The following CTNNA2 variants were observed in gnomAD, a reference collection of about 807,000 sequenced individuals.
CTNNA2 encodes the protein catenin alpha 2.
CTNNA2 carries 42 observed loss-of-function variants against 101.0 expected under a neutral mutation model. The observed-to-expected ratio is 0.42, with a 90% confidence interval of 0.32 to 0.54. The LOEUF is 0.54. Ranked by LOEUF, CTNNA2 falls within the 20% of genes least tolerant of loss-of-function variation. CTNNA2 has a pLI of 0.14. For synonymous variants in CTNNA2, 450 were observed against 456.4 expected, an observed-to-expected ratio of 0.99 and a Z score of 0.18; for missense variants, 871 against 1,223.1, an observed-to-expected ratio of 0.71 and a Z score of 4.29.
intron 4 of CTNNA2, among the ~76,000 whole-genome samples, chr2:79,395,510 T>A (rs1020273458): frequency 3.3e-4 from 50 of 152,184 alleles, no homozygotes; most frequent in African/African-American, 1.1e-3. Context: ...CCAGAAATAA[T>A]GTGCAGAAGA....
intron 7 of CTNNA2, among the ~76,000 whole-genome samples, chr2:80,343,011 CG>C: frequency 6.6e-6 from 1 of 152,236 alleles, no homozygotes; most frequent in African/African-American, 2.4e-5. Context: ...TGTGAAAGAA[CG>C]GAGTGATCTT....
At chr2:79,923,190 T>A (rs1686791336) in intron 7 of CTNNA2, among the ~76,000 whole-genome samples, 1 of 152,124 alleles carries the variant, frequency 6.6e-6, no homozygotes, top group African/African-American at 2.4e-5. Context: ...CGTATATTTT[T>A]CAAGAATACA....
At chr2:79,721,556 A>G (rs576699250) in intron 2 of CTNNA2, among the ~76,000 whole-genome samples, 3 of 152,366 alleles carry the variant, frequency 2.0e-5, no homozygotes, top group Admixed American at 6.5e-5. Context: ...TACGCTTCAT[A>G]TCATTGCCAG....
chr2:80,201,313 T>G (rs1421054921), intron 7 of CTNNA2, among the ~76,000 whole-genome samples: 1 of 151,818 alleles, frequency 6.6e-6, no homozygotes, highest in Admixed American at 6.6e-5. Context: ...ATCAGTCTTT[T>G]ATTTAAGAAT....
chr2:80,264,545 A>C (rs952244596), intron 7 of CTNNA2, among the ~76,000 whole-genome samples: 1 of 152,192 alleles, frequency 6.6e-6, no homozygotes, highest in Non-Finnish European at 1.5e-5. Context: ...CTGGGATTTC[A>C]GTGGCTTCAA....
chr2:79,213,646 A>T (rs1674206230), intron 2 of CTNNA2, among the ~76,000 whole-genome samples: 1 of 152,144 alleles, frequency 6.6e-6, no homozygotes, highest in South Asian at 2.1e-4. Flanking sequence ...ACATGGGGAA[A>T]TTGGGTGAAT....
intron 9 of CTNNA2, 141 bp from the exon 10 acceptor site, chr2:80,544,841 C>G (rs1573210709): frequency 1.5e-6 from 1 of 656,920 alleles, no homozygotes; most frequent in Admixed American, 3.1e-5. Flanking sequence ...GTTGGTTCTA[C>G]ATGAAGGCCA....
chr2:79,995,746 G>A (rs529554534), intron 7 of CTNNA2, among the ~76,000 whole-genome samples: 1 of 152,336 alleles, frequency 6.6e-6, no homozygotes, highest in Admixed American at 6.5e-5. Flanking sequence ...CCAGGAGGTT[G>A]AGGTTGGAGT....
intron 2 of CTNNA2, among the ~76,000 whole-genome samples, chr2:79,715,229 A>AAAC (rs1306792918): frequency 1.4e-5 from 2 of 145,800 alleles, no homozygotes; most frequent in African/African-American, 5.1e-5. Context: ...AAAAAAAAAA[A>AAAC]CCCACAGAGG....
At chr2:79,990,053 A>G (rs1174058799) in intron 7 of CTNNA2, among the ~76,000 whole-genome samples, 6 of 152,150 alleles carry the variant, frequency 3.9e-5, no homozygotes, top group Admixed American at 2.6e-4. Flanking sequence ...TGTGGGAAGA[A>G]ACAAAGAGTG....
chr2:79,337,653 C>T (rs965136625), intron 3 of CTNNA2, among the ~76,000 whole-genome samples: 11 of 152,190 alleles, frequency 7.2e-5, no homozygotes, highest in African/African-American at 2.2e-4. Flanking sequence ...TAATTTCCCT[C>T]ATCTGTAAAA....
intron 1 of CTNNA2, chr2:79,633,632 A>G (rs1029589821): frequency 2.0e-5 from 3 of 152,192 alleles, no homozygotes; most frequent in Non-Finnish European, 4.4e-5. Context: ...TGTTAACTAA[A>G]TTACACTCAA....
intron 1 of CTNNA2, among the ~76,000 whole-genome samples, chr2:79,195,341 C>A (rs1397288496): frequency 1.3e-5 from 2 of 152,196 alleles, no homozygotes; most frequent in African/African-American, 4.8e-5. Flanking sequence ...AAAGAGACTT[C>A]CCTTCTTCCT....
chr2:79,743,814 G>A (rs1339753651), intron 2 of CTNNA2, among the ~76,000 whole-genome samples: 1 of 152,140 alleles, frequency 6.6e-6, no homozygotes, highest in Non-Finnish European at 1.5e-5. Context: ...GATTACAGGT[G>A]TGAGCCACCA....
intron 7 of CTNNA2, among the ~76,000 whole-genome samples, chr2:80,234,512 C>T (rs1004411308): frequency 6.6e-6 from 1 of 152,136 alleles, no homozygotes; most frequent in African/African-American, 2.4e-5. Flanking sequence ...TTACTCATGA[C>T]CTCTCAAAGG....
intron 7 of CTNNA2, among the ~76,000 whole-genome samples, chr2:80,387,923 C>G (rs576065229): frequency 1.4e-4 from 21 of 152,306 alleles, no homozygotes; most frequent in African/African-American, 5.1e-4. Context: ...GTAGTCCCGC[C>G]TGGCTTCGTT....
chr2:80,133,205 G>T (rs1702505830), intron 7 of CTNNA2, among the ~76,000 whole-genome samples: 2 of 152,106 alleles, frequency 1.3e-5, no homozygotes, highest in African/African-American at 4.8e-5. Context: ...GAGTTATGCT[G>T]CCACAAGCCA....
chr2:79,274,089 A>G (rs1167248236), intron 2 of CTNNA2, among the ~76,000 whole-genome samples: 1 of 152,066 alleles, frequency 6.6e-6, no homozygotes, highest in Non-Finnish European at 1.5e-5. Flanking sequence ...ATTGCTTATT[A>G]TAAGCTTGCT....
intron 7 of CTNNA2, among the ~76,000 whole-genome samples, chr2:80,244,226 G>A (rs1671155861): frequency 6.6e-6 from 1 of 152,310 alleles, no homozygotes; most frequent in South Asian, 2.1e-4. Context: ...AGAAAGGAAA[G>A]TACATATGCT....
Sources: gnomAD v4.1 joint callset for allele counts (sites outside exome capture counted in the v4.1 genomes callset) on GRCh38, gnomAD v4.1.1 for gene constraint, MANE v1.5 for transcripts, NCBI Gene and HGNC (gene_info 2026-07-23, HGNC 2026-07-21) for gene names.